The following NTN1 variants were observed in gnomAD, a reference collection of about 807,000 sequenced individuals.
The protein encoded by NTN1 is netrin 1.
Under a neutral mutation model 54.2 loss-of-function variants are expected in NTN1, and 11 were observed. The observed-to-expected ratio is 0.20, with a 90% confidence interval of 0.13 to 0.34. The LOEUF is 0.34. NTN1 is among the 10% of genes least tolerant of loss of function. The probability of loss-of-function intolerance (pLI) is 1.00; values close to 1 mark genes in which losing one functional copy is unlikely to be tolerated. For missense variants in NTN1, 740 were observed against 893.1 expected (o/e 0.83, Z 2.18); for synonymous variants, 371 against 382.0 (o/e 0.97, Z 0.33).
chr17:9,104,819 G>A (rs1033683155), intron 2 of NTN1, among the ~76,000 whole-genome samples: 15 of 152,234 alleles, frequency 9.9e-5, no homozygotes, highest in Admixed American at 3.3e-4. Flanking sequence ...GATTTCCCAC[G>A]TGGGCTTTAT....
At chr17:9,148,544 A>G (rs978309225) in intron 2 of NTN1, among the ~76,000 whole-genome samples, 4 of 152,188 alleles carry the variant, frequency 2.6e-5, no homozygotes, top group African/African-American at 9.7e-5. Flanking sequence ...CTTGGGGCAT[A>G]CTTTTACTAA....
At chr17:9,153,161 C>T (rs768107274) in intron 2 of NTN1, among the ~76,000 whole-genome samples, 18 of 151,938 alleles carry the variant, frequency 1.2e-4, no homozygotes, top group African/African-American at 4.1e-4. Context: ...CCCAGCTACT[C>T]GGGAGGCTGA....
At chr17:9,229,189 C>T (rs1219479361) in intron 6 of NTN1, among the ~76,000 whole-genome samples, 1 of 151,972 alleles carries the variant, frequency 6.6e-6, no homozygotes, top group Non-Finnish European at 1.5e-5. Context: ...ACTGTGCTCT[C>T]TTGGGGGTCC....
rs114631967 is a variant in NTN1 at position 9,218,291 on chromosome 17, A to G, written c.1412-2877A>G. ...ACGACCTTGAGCTGGTGAGTCACCA[A>G]TGTCTCTGTGCCTTAGATTCTCATC... On this transcript the variant is annotated intron_variant, in intron 5 of 6. Transcript: ENST00000173229. 8.5e-3 allele frequency among the ~76,000 whole-genome samples: 1,298 copies of G among 152,294 alleles called. 15 individuals are homozygous for G. The highest frequency in any genetic ancestry group is 0.03 in the African/African-American group (1,227 of 41,558).
At chr17:9,077,911 G>A (rs1250502375) in intron 2 of NTN1, among the ~76,000 whole-genome samples, 1 of 152,104 alleles carries the variant, frequency 6.6e-6, no homozygotes, top group Non-Finnish European at 1.5e-5. Context: ...CTCTGTGTGG[G>A]GATTGTGGAG....
chr17:9,183,426 C>A (rs62068200), intron 5 of NTN1: 2 of 416,140 alleles, frequency 4.8e-6, no homozygotes, highest in Admixed American at 3.2e-5. Flanking sequence ...CATTTTCATT[C>A]GCCTCTAACT....
intron 2 of NTN1, among the ~76,000 whole-genome samples, chr17:9,092,900 G>C (rs1268157150): frequency 2.6e-5 from 4 of 152,016 alleles, no homozygotes; most frequent in South Asian, 2.1e-4. Flanking sequence ...CTGGGACTAC[G>C]GGTGCCCACC....
intron 6 of NTN1, among the ~76,000 whole-genome samples, chr17:9,226,514 A>AGGC (rs1905565504): frequency 6.4e-5 from 2 of 31,120 alleles, no homozygotes; most frequent in Non-Finnish European, 9.6e-5. Context: ...TCTCGTGGGG[A>AGGC]GGTGGTCTCG....
intron 2 of NTN1, among the ~76,000 whole-genome samples, chr17:9,033,917 CAA>C (rs58699789): frequency 8.5e-5 from 9 of 106,428 alleles, no homozygotes; most frequent in Non-Finnish European, 1.2e-4. Context: ...AACTCTGTCT[CAA>C]AAAAAAAAAA....
intron 3 of NTN1, among the ~76,000 whole-genome samples, chr17:9,163,930 TC>T (rs1485813541): frequency 6.6e-6 from 1 of 152,196 alleles, no homozygotes; most frequent in East Asian, 1.9e-4. Context: ...GGGCAACACC[TC>T]GGCATGGGTG....
At chr17:9,220,381 T>G (rs2142355249) in intron 5 of NTN1, among the ~76,000 whole-genome samples, 1 of 152,376 alleles carries the variant, frequency 6.6e-6, no homozygotes, top group East Asian at 1.9e-4. Flanking sequence ...CACACAGACT[T>G]GGCGAAGGAA....
At chr17:9,035,163 G>C (rs2091899747) in intron 2 of NTN1, among the ~76,000 whole-genome samples, 1 of 151,912 alleles carries the variant, frequency 6.6e-6, no homozygotes, top group Non-Finnish European at 1.5e-5. Flanking sequence ...AGCCAGGATG[G>C]TCTCGATCTC....
In NTN1 at chr17:9,063,339, C is replaced by T. The variant is rs995196998; in HGVS notation, c.1018+39948C>T. Among the ~76,000 whole-genome samples, 4 of 152,270 alleles carry T rather than the reference C, an allele frequency of 2.6e-5. No individual in the cohort carries two copies. The East Asian group carries it at 7.7e-4, about 29-fold the overall frequency. ...TCTCGAACTCCTGGCCTCAGGGAAT[C>T]CACCCACCTCGGCCTCCCAAAGTGC... On this transcript the variant is annotated intron_variant, in intron 2 of 6. Coordinates refer to ENST00000173229, the MANE Select transcript of NTN1 (RefSeq NM_004822.3).
At chr17:9,170,407 G>A (rs1351018225) in intron 3 of NTN1, among the ~76,000 whole-genome samples, 1 of 152,182 alleles carries the variant, frequency 6.6e-6, no homozygotes, top group Non-Finnish European at 1.5e-5. Flanking sequence ...TGACCCTCTG[G>A]TTGCTTTGGT....
At chr17:9,139,135 G>A (rs905842888) in intron 2 of NTN1, among the ~76,000 whole-genome samples, 1 of 152,128 alleles carries the variant, frequency 6.6e-6, no homozygotes, top group Non-Finnish European at 1.5e-5. Context: ...GCTCATGGGG[G>A]TGATGCCAGT....
At chr17:9,205,085 C>T (rs1330179158) in intron 5 of NTN1, among the ~76,000 whole-genome samples, 1 of 152,214 alleles carries the variant, frequency 6.6e-6, no homozygotes, top group African/African-American at 2.4e-5. Flanking sequence ...TGAGGAACTT[C>T]AGAAACAGGT....
In NTN1 at chr17:9,022,795, A is replaced by T; in HGVS notation, c.422A>T (p.Lys141Met). ...NVTLTLSLGKKFEVTYVSLQF... is the reference protein window; with the variant it reads ...NVTLTLSLGKMFEVTYVSLQF... Reference sequence around the variant, plus strand: ...ACGCTCACACTGTCCCTCGGCAAGAAGTTCGAAGTGACCTACGTGAGCCTG... The same window carrying T: ...ACGCTCACACTGTCCCTCGGCAAGATGTTCGAAGTGACCTACGTGAGCCTG... Residue 141 changes from lysine to methionine, a missense_variant, in exon 2 of 7, where the codon AAG becomes ATG. Lys to Met is a moderately conservative substitution (Grantham distance 95). Transcript: ENST00000173229. The T allele has an allele frequency of 6.2e-7, 1 of 1,611,140 alleles. No individual in the cohort carries two copies. The highest frequency in any genetic ancestry group is 1.3e-5 in the African/African-American group (1 of 74,916).
intron 6 of NTN1, among the ~76,000 whole-genome samples, chr17:9,227,732 A>G (rs1905642987): frequency 6.6e-6 from 1 of 150,952 alleles, no homozygotes; most frequent in Non-Finnish European, 1.5e-5. Context: ...CACACATCAG[A>G]TACACTATCA....
intron 2 of NTN1, among the ~76,000 whole-genome samples, chr17:9,150,681 C>T (rs1418012120): frequency 6.6e-6 from 1 of 151,952 alleles, no homozygotes; most frequent in East Asian, 1.9e-4. Flanking sequence ...TCTTTTGCAG[C>T]AAGGGCCTGG....
Sources: allele counts gnomAD v4.1 joint callset (sites outside exome capture counted in the v4.1 genomes callset), GRCh38; gene constraint gnomAD v4.1.1; transcripts MANE v1.5; gene names NCBI Gene and HGNC (gene_info 2026-07-23, HGNC 2026-07-21).